Variants in SAXO1 observed in about 807,000 individuals in gnomAD.
The protein encoded by SAXO1 is stabilizer of axonemal microtubules 1.
A neutral mutation model predicts 17.5 loss-of-function variants in SAXO1; 21 were observed. The observed-to-expected ratio is 1.20, with a 90% CI of 0.85 to 1.72. SAXO1 has a LOEUF of 1.72. SAXO1 is among the 40% of genes most tolerant of loss of function. The probability of loss-of-function intolerance (pLI) is 0.00; values close to 1 mark genes in which losing one functional copy is unlikely to be tolerated. For missense variants in SAXO1, 843 were observed against 596.0 expected (o/e 1.41, Z -4.32); for synonymous variants, 274 against 216.5 (o/e 1.27, Z -2.33).
Position 18,950,863 on chromosome 9 carries a change from G to T in SAXO1, c.113C>A (p.Thr38Asn), listed in dbSNP as rs1832008134. The T allele has an allele frequency of 6.2e-7, 1 of 1,613,760 alleles. No homozygotes were observed. Among genetic ancestry groups the T allele is most frequent in the Non-Finnish European group, 8.5e-7 (1 of 1,179,756 alleles). The part of the protein sequence containing the change: ...TEKPCLLSEY[T>N]ENYPFYHSYL... ...GGAGTGATAGAAAGGGTAGTTCTCG[G>T]TATATTCGGAGAGAAGACATGGTTT... Residue 38 changes from threonine to asparagine, a missense_variant, in exon 2 of 4, where the codon ACC (threonine) becomes AAC (asparagine). Coordinates refer to ENST00000380534, the MANE Select transcript of SAXO1 (RefSeq NM_153707.4).
rs1329248454 is a variant in SAXO1 at position 18,928,921 on chromosome 9, T to C, written c.556A>G (p.Ile186Val). 3 of 1,614,214 alleles carry C rather than the reference T, an allele frequency of 1.9e-6. No individual in the cohort carries two copies. Among genetic ancestry groups the C allele is most frequent in the South Asian group, 2.2e-5 (2 of 91,074 alleles). The change falls in exon 4 of 4, where the codon ATA becomes GTA. Residue 186 changes from isoleucine (I) to valine (V), a missense_variant. By Grantham distance (29) the Ile-to-Val change is conservative (BLOSUM62 3). Transcript: ENST00000380534. ...DYPIKGLVKT[I>V]SCKPLAMPKL... ...GGCATGGCCAGAGGTTTACAGCTTA[T>C]GGTCTTCACAAGGCCTTTTATGGGG...
At chr9:18,939,442 A>C (rs1831453049) in intron 3 of SAXO1, among the ~76,000 whole-genome samples, 1 of 152,250 alleles carries the variant, frequency 6.6e-6, no homozygotes, top group Non-Finnish European at 1.5e-5. Flanking sequence ...AAGCATTAAA[A>C]GTACACAATG....
At chr9:19,017,574 T>C (rs1835033984) in intron 1 of SAXO1, among the ~76,000 whole-genome samples, 1 of 152,200 alleles carries the variant, frequency 6.6e-6, no homozygotes, top group Admixed American at 6.5e-5. Context: ...GCTCTGGCCT[T>C]CTGGCCTCTC....
chr9:18,948,692 A>G (rs1831897764), intron 2 of SAXO1, among the ~76,000 whole-genome samples: 1 of 152,150 alleles, frequency 6.6e-6, no homozygotes, highest in Non-Finnish European at 1.5e-5. Flanking sequence ...GTGTTGGGGC[A>G]GGTCTTCCGC....
At chr9:18,957,701 C>G (rs962927164) in intron 1 of SAXO1, among the ~76,000 whole-genome samples, 5 of 152,218 alleles carry the variant, frequency 3.3e-5, no homozygotes, top group African/African-American at 1.2e-4. Flanking sequence ...TCTAGGGTGC[C>G]TGGAATAGCG....
At chr9:19,016,645 A>G (rs2131004525) in intron 1 of SAXO1, among the ~76,000 whole-genome samples, 1 of 152,256 alleles carries the variant, frequency 6.6e-6, no homozygotes, top group Middle Eastern at 3.4e-3. Flanking sequence ...TACAATGCAC[A>G]GGACAGGCCC....
chr9:19,015,580 G>C (rs1283924718), intron 1 of SAXO1, among the ~76,000 whole-genome samples: 1 of 151,490 alleles, frequency 6.6e-6, no homozygotes, highest in Non-Finnish European at 1.5e-5. Context: ...CTAACCTCGA[G>C]TGATCACCCA....
intron 1 of SAXO1, among the ~76,000 whole-genome samples, chr9:19,016,721 T>C (rs1834989201): frequency 6.6e-6 from 1 of 151,956 alleles, no homozygotes; most frequent in Admixed American, 6.5e-5. Flanking sequence ...TTGAGCCTTT[T>C]CATAAATGAA....
At chr9:18,935,257 G>A (rs1404001593) in intron 3 of SAXO1, among the ~76,000 whole-genome samples, 1 of 152,196 alleles carries the variant, frequency 6.6e-6, no homozygotes, top group African/African-American at 2.4e-5. Flanking sequence ...GTCAGCCAAT[G>A]ATTGGTCAGA....
intron 1 of SAXO1, among the ~76,000 whole-genome samples, chr9:19,023,310 C>T (rs529218824): frequency 1.3e-5 from 2 of 152,286 alleles, no homozygotes; most frequent in South Asian, 2.1e-4. Context: ...CTTCTTCATT[C>T]TTCATTGCCT....
Position 18,990,842 on chromosome 9 carries a change from G to A in SAXO1, c.39-39905C>T, listed in dbSNP as rs143415427. On this transcript the variant is annotated intron_variant, in intron 1 of 3. Transcript: ENST00000380534. ...ACCTAATGCCTGATGATGTGTCACT[G>A]TCTCCATCATCCCTAGAATGGGACC... Among the ~76,000 whole-genome samples, 583 of 152,316 alleles carry A rather than the reference G, an allele frequency of 3.8e-3. 2 individuals are homozygous for A. The highest frequency in any genetic ancestry group is 0.013 in the African/African-American group (558 of 41,570).
At chr9:18,971,242 T>C in intron 1 of SAXO1, among the ~76,000 whole-genome samples, 1 of 152,074 alleles carries the variant, frequency 6.6e-6, no homozygotes. Context: ...GCAGCGAGGA[T>C]TTTCTCCACT....
Position 18,950,641 on chromosome 9 carries a change from T to G in SAXO1, c.218+117A>C, listed in dbSNP as rs1188185281. 5 of 839,050 alleles carry G rather than the reference T, an allele frequency of 6.0e-6. No individual in the cohort carries two copies. In the East Asian group the frequency reaches 1.3e-4, roughly 21 times the overall value. 52.0% of individuals were successfully genotyped at this position (839,050 alleles called of 1,614,324 possible). ...ACATTAAGGCATTAATATCATATGTTGATACTGCACATTAATGCATTAGCA... is the reference window on the plus strand; with the variant it reads ...ACATTAAGGCATTAATATCATATGTGGATACTGCACATTAATGCATTAGCA... On this transcript the variant is annotated intron_variant, in intron 2 of 3. Coordinates refer to ENST00000380534, the MANE Select transcript of SAXO1 (RefSeq NM_153707.4).
chr9:19,026,757 G>C (rs555834517), intron 1 of SAXO1: 1 of 418,872 alleles, frequency 2.4e-6, no homozygotes, highest in African/African-American at 2.0e-5. Flanking sequence ...TGGGCCGGGC[G>C]TGGTAGCTCA....
Position 18,929,062 on chromosome 9 carries a change from T to G in SAXO1, c.422-7A>C. On this transcript the variant is annotated splice_region_variant and splice_polypyrimidine_tract_variant and intron_variant, in intron 3 of 3. Transcript: ENST00000380534. Reference sequence around the variant, plus strand: ...TTCCAAGGCAAATAATCAGCTGAAATTAAAGCAGAAGAGGTAATTAATAAT... The same window carrying G: ...TTCCAAGGCAAATAATCAGCTGAAAGTAAAGCAGAAGAGGTAATTAATAAT... The G allele has an allele frequency of 6.2e-7, 1 of 1,612,872 alleles. No homozygotes were observed. Among genetic ancestry groups the G allele is most frequent in the South Asian group, 1.1e-5 (1 of 90,946 alleles).
chr9:19,030,571 T>A (rs369519227), intron 1 of SAXO1, among the ~76,000 whole-genome samples: 3 of 152,048 alleles, frequency 2.0e-5, no homozygotes, highest in African/African-American at 7.2e-5. Flanking sequence ...CCCAGCATGG[T>A]GGTGGGTACC....
intron 1 of SAXO1, among the ~76,000 whole-genome samples, chr9:19,048,531 A>T (rs1027381759): frequency 9.2e-5 from 14 of 152,232 alleles, no homozygotes; most frequent in African/African-American, 3.4e-4. Context: ...TTCTGTATGA[A>T]CGATACTGGC....
At chr9:19,035,823 G>C (rs1368467263), upstream of SAXO1, among the ~76,000 whole-genome samples, 1 of 152,214 alleles carries the variant, frequency 6.6e-6, no homozygotes, top group Admixed American at 6.5e-5. Flanking sequence ...GTTTGAACTT[G>C]AGGGAGATGA....
intron 1 of SAXO1, among the ~76,000 whole-genome samples, chr9:19,013,253 C>T (rs531552743): frequency 2.0e-5 from 3 of 152,282 alleles, no homozygotes; most frequent in East Asian, 1.9e-4. Context: ...ATTCAGCACA[C>T]GAAATGCAGG....
Sources: allele counts gnomAD v4.1 joint callset (sites outside exome capture counted in the v4.1 genomes callset), GRCh38; gene constraint gnomAD v4.1.1; transcripts MANE v1.5; gene names NCBI Gene and HGNC (gene_info 2026-07-23, HGNC 2026-07-21).